The following FERMT1 variants were observed in gnomAD, a reference collection of about 807,000 sequenced individuals.
The protein encoded by FERMT1 is FERM domain containing kindlin 1.
A neutral mutation model predicts 85.3 loss-of-function variants in FERMT1; 60 were observed. The ratio of observed to expected loss-of-function variants is 0.70; its 90% CI spans 0.57 to 0.87. The LOEUF is 0.87. Among genes scored for constraint, FERMT1 ranks in the 40% least tolerant of loss-of-function variants. FERMT1 has a pLI of 0.00. For synonymous variants in FERMT1, 275 were observed against 301.1 expected, an observed-to-expected ratio of 0.91 and a Z score of 0.90; for missense variants, 701 against 818.9, an observed-to-expected ratio of 0.86 and a Z score of 1.76.
In FERMT1 at chr20:6,076,919, T is replaced by G; in HGVS notation, c.*254A>C. On this transcript the variant is annotated 3_prime_UTR_variant, in exon 15 of 15. Transcript: ENST00000217289. Reference sequence around the variant, plus strand: ...CACATGCTGGGCCTTAGAGCAATCTTAGGGCACCTGCTTTTCTCCTGCCTA... The same window carrying G: ...CACATGCTGGGCCTTAGAGCAATCTGAGGGCACCTGCTTTTCTCCTGCCTA... 1.9e-6 allele frequency: 1 copy of G among 537,220 alleles called. No homozygotes were observed. The highest frequency in any genetic ancestry group is 3.4e-6 in the Non-Finnish European group (1 of 297,246). The allele number at this position is 537,220 out of a possible 1,614,324, so 33.3% of individuals were successfully genotyped here. A position where few individuals can be genotyped will look rare whatever the true frequency, so the allele number is the denominator to read the frequency against.
At chr20:6,093,816 C>T (rs1047475307) in intron 9 of FERMT1, among the ~76,000 whole-genome samples, 42 of 152,056 alleles carry the variant, frequency 2.8e-4, no homozygotes, top group African/African-American at 8.9e-4. Context: ...TGTAGCCAGG[C>T]GTGATGATGG....
At chr20:6,082,507 C>G (rs371743121) in intron 13 of FERMT1, among the ~76,000 whole-genome samples, 1 of 152,196 alleles carries the variant, frequency 6.6e-6, no homozygotes, top group Admixed American at 6.5e-5. Context: ...GACACATATG[C>G]GCGCACATAG....
chr20:6,117,686 C>G (rs758111061), intron 2 of FERMT1, among the ~76,000 whole-genome samples: 4 of 151,944 alleles, frequency 2.6e-5, no homozygotes, highest in Non-Finnish European at 5.9e-5. Flanking sequence ...CCCACCTCAG[C>G]CTTCCAAAGT....
chr20:6,113,381 T>G (rs143576962), intron 3 of FERMT1, among the ~76,000 whole-genome samples: 138 of 152,326 alleles, frequency 9.1e-4, no homozygotes, highest in Non-Finnish European at 1.6e-3. Flanking sequence ...TTGCTCCCTC[T>G]CCCTTTCCTT....
Position 6,089,010 on chromosome 20 carries a change from T to C in FERMT1, c.1219A>G (p.Lys407Glu). Residue 407 changes from lysine to glutamate, a missense_variant, in exon 10 of 15, where the codon AAG (lysine) becomes GAG (glutamate). By Grantham distance (56) the Lys-to-Glu change is moderately conservative (BLOSUM62 1). Coordinates refer to ENST00000217289, the MANE Select transcript of FERMT1 (RefSeq NM_017671.5). ...AGTGGTTCTCCTTGTTCAAGTTCCT[T>C]ATTTTTAAAGTATGCTATGGATGTG... ...KDTSIAYFKN[K>E]ELEQGEPLEK... 3 of 1,612,260 alleles carry C rather than the reference T, an allele frequency of 1.9e-6. No homozygotes were observed. The highest frequency in any genetic ancestry group is 2.5e-6 in the Non-Finnish European group (3 of 1,178,508).
chr20:6,080,060 A>G (rs191394209), intron 13 of FERMT1, among the ~76,000 whole-genome samples: 125 of 152,260 alleles, frequency 8.2e-4, no homozygotes, highest in Non-Finnish European at 1.7e-3. Context: ...TGAAAAGGTG[A>G]CATTTGATCA....
At chr20:6,086,259 C>T (rs1982182028) in intron 11 of FERMT1, among the ~76,000 whole-genome samples, 1 of 152,106 alleles carries the variant, frequency 6.6e-6, no homozygotes, top group African/African-American at 2.4e-5. Flanking sequence ...CACATCTGGT[C>T]TCTACGCCCA....
At chr20:6,091,904 C>T (rs577785305) in intron 9 of FERMT1, among the ~76,000 whole-genome samples, 3 of 150,576 alleles carry the variant, frequency 2.0e-5, no homozygotes, top group South Asian at 2.1e-4. Flanking sequence ...TGCATAAGAA[C>T]GAGCGAGACA....
intron 5 of FERMT1, among the ~76,000 whole-genome samples, chr20:6,109,208 G>T (rs763937910): frequency 5.3e-5 from 8 of 152,168 alleles, no homozygotes; most frequent in Non-Finnish European, 1.2e-4. Flanking sequence ...CTCAAATAAA[G>T]GGACAATGTG....
intron 6 of FERMT1, among the ~76,000 whole-genome samples, chr20:6,099,279 TG>T (rs1982590424): frequency 6.6e-6 from 1 of 151,740 alleles, no homozygotes; most frequent in African/African-American, 2.4e-5. Flanking sequence ...GGCAGGTGCA[TG>T]TAATCCCAGC....
intron 6 of FERMT1, among the ~76,000 whole-genome samples, chr20:6,100,879 G>A (rs6038356): frequency 0.11 from 17,150 of 151,988 alleles, 1,171 homozygotes; most frequent in African/African-American, 0.19. Context: ...AATTAAAAAA[G>A]TTTGTAATAA....
intron 6 of FERMT1, among the ~76,000 whole-genome samples, chr20:6,100,545 T>A (rs1441173813): frequency 2.0e-5 from 3 of 152,228 alleles, no homozygotes; most frequent in African/African-American, 7.2e-5. Context: ...GTTGCACAAC[T>A]CTGAATATAC....
chr20:6,117,531 T>C (rs1415829600), intron 2 of FERMT1, among the ~76,000 whole-genome samples: 1 of 152,112 alleles, frequency 6.6e-6, no homozygotes, highest in Non-Finnish European at 1.5e-5. Flanking sequence ...CCTCCCGTGT[T>C]CAAGTGATTC....
chr20:6,101,757 A>T (rs937605972), intron 6 of FERMT1, among the ~76,000 whole-genome samples: 2 of 152,056 alleles, frequency 1.3e-5, no homozygotes, highest in Non-Finnish European at 1.5e-5. Flanking sequence ...GGTTCAAGTG[A>T]TTCTCCTGCC....
intron 6 of FERMT1, among the ~76,000 whole-genome samples, chr20:6,100,842 T>C (rs1041814384): frequency 6.6e-6 from 1 of 152,044 alleles, no homozygotes; most frequent in Admixed American, 6.5e-5. Context: ...AGGATACAGA[T>C]TGAAAAAATA....
intron 5 of FERMT1, among the ~76,000 whole-genome samples, chr20:6,108,565 C>G (rs1468958880): frequency 6.6e-6 from 1 of 151,992 alleles, no homozygotes; most frequent in African/African-American, 2.4e-5. Context: ...ATTCCAGCAC[C>G]TTGGGAGGCC....
chr20:6,115,738 G>T, intron 3 of FERMT1, 73 bp downstream of exon 3: 1 of 1,103,182 alleles, frequency 9.1e-7, no homozygotes, highest in Non-Finnish European at 1.4e-6. Context: ...GAAGTAGGCA[G>T]AATGCACACA....
At chr20:6,077,464 C>A (rs1446022555) in intron 14 of FERMT1, 118 bp from the exon 15 acceptor site, 12 of 886,734 alleles carry the variant, frequency 1.4e-5, no homozygotes, top group Non-Finnish European at 1.8e-5. Context: ...AGATGGATAT[C>A]CCTCTAAAAC....
At chr20:6,099,100 C>T (rs1048923419) in intron 6 of FERMT1, among the ~76,000 whole-genome samples, 1 of 152,042 alleles carries the variant, frequency 6.6e-6, no homozygotes, top group Non-Finnish European at 1.5e-5. Flanking sequence ...GCTATTCAGC[C>T]TTAAAAAGGA....
Sources: allele counts gnomAD v4.1 joint callset (sites outside exome capture counted in the v4.1 genomes callset), GRCh38; gene constraint gnomAD v4.1.1; transcripts MANE v1.5; gene names NCBI Gene and HGNC (gene_info 2026-07-23, HGNC 2026-07-21).